The following SYT14 variants were observed in gnomAD, a reference collection of about 807,000 sequenced individuals.
The protein encoded by SYT14 is synaptotagmin-14.
A neutral mutation model predicts 74.2 loss-of-function variants in SYT14; 32 were observed. That is an observed-to-expected ratio of 0.43 (90% CI 0.33 to 0.58). The LOEUF (loss-of-function observed/expected upper bound fraction) is 0.58. Ranked by LOEUF, SYT14 falls within the 20% of genes least tolerant of loss-of-function variation. The pLI, the probability that SYT14 is intolerant of heterozygous loss-of-function variation, is 0.05. For synonymous variants in SYT14, 298 were observed against 337.7 expected, an observed-to-expected ratio of 0.88 and a Z score of 1.29; for missense variants, 791 against 981.8, an observed-to-expected ratio of 0.81 and a Z score of 2.60.
At chr1:210,043,289 A>G (rs769289418) in intron 5 of SYT14, among the ~76,000 whole-genome samples, 3 of 152,192 alleles carry the variant, frequency 2.0e-5, no homozygotes, top group Non-Finnish European at 4.4e-5. Flanking sequence ...AGGCTTCAGT[A>G]GGTAACCATG....
intron 2 of SYT14, among the ~76,000 whole-genome samples, chr1:209,957,773 G>A (rs2079016331): frequency 6.6e-6 from 1 of 151,950 alleles, no homozygotes; most frequent in African/African-American, 2.4e-5. Context: ...TTTCCTTCTT[G>A]TTGTATCCAG....
Position 209,942,370 on chromosome 1 carries a change from C to G in SYT14, c.-534+4093C>G, listed in dbSNP as rs964745004. ...CCTCCATGCAAATTTACCCCCCCCC[C>G]CCCGCTCTGTTGTGCAGATTTACCA... On this transcript the variant is annotated intron_variant, in intron 1 of 9. Transcript: ENST00000637265. Among the ~76,000 whole-genome samples, 81 of 131,220 alleles carry G rather than the reference C, an allele frequency of 6.2e-4. 5 individuals carry two copies. The highest frequency in any genetic ancestry group is 5.9e-4 in the South Asian group (2 of 3,388). The allele number at this position is 131,220 out of a possible 152,430, so 86.1% of individuals were successfully genotyped here.
intron 5 of SYT14, among the ~76,000 whole-genome samples, chr1:210,046,100 G>A (rs906172547): frequency 1.3e-5 from 2 of 152,170 alleles, no homozygotes; most frequent in African/African-American, 4.8e-5. Flanking sequence ...GCTGGGTATG[G>A]TGGCTCACGC....
intron 5 of SYT14, among the ~76,000 whole-genome samples, chr1:210,061,923 A>G (rs575692954): frequency 6.6e-6 from 1 of 151,938 alleles, no homozygotes; most frequent in South Asian, 2.1e-4. Flanking sequence ...TTCTAAGACT[A>G]CTGTAGTTGC....
chr1:210,100,042 C>G, exon 7 of SYT14: 1 of 1,614,022 alleles, frequency 6.2e-7, no homozygotes, highest in Non-Finnish European at 8.5e-7. Context: ...ATCTTCGCAG[C>G]TTCCTAAACC....
chr1:210,023,090 C>G lies in SYT14; in HGVS notation c.1312+1836C>G, dbSNP rs1253056883. On this transcript the variant is annotated intron_variant, in intron 5 of 9. Transcript: ENST00000637265. The stretch of plus-strand genomic sequence containing the variant: ...CTGTACTTTTTTACACATTTCTACC[C>G]TCAATTATTTGATGAAACACTTAAT... Among the ~76,000 whole-genome samples the G allele has an allele frequency of 3.9e-5, 6 of 152,198 alleles. No individual in the cohort carries two copies. The East Asian group carries it at 1.2e-3, about 29-fold the overall frequency.
chr1:210,078,309 CAAAAAAAAAAAAA>C (rs59924487), intron 5 of SYT14, among the ~76,000 whole-genome samples: 24 of 72,072 alleles, frequency 3.3e-4, no homozygotes, highest in Non-Finnish European at 4.4e-4. Context: ...GACTCCGTCT[CAAAAAAAAAAAAA>C]AAAAAAAAAA....
chr1:210,156,031 G>C (rs1354905287), intron 8 of SYT14, 121 bp downstream of exon 7: 1 of 916,014 alleles, frequency 1.1e-6, no homozygotes, highest in African/African-American at 1.7e-5. Context: ...GTAATCATCA[G>C]CTAATCTGTT....
intron 5 of SYT14, among the ~76,000 whole-genome samples, chr1:210,055,259 C>T (rs1425778510): frequency 6.6e-6 from 1 of 151,764 alleles, no homozygotes; most frequent in Non-Finnish European, 1.5e-5. Context: ...AAATACTTGC[C>T]CTAAAGAGTT....
rs561069342 is a variant in SYT14, at chr1:210,052,665, CAAAAAAA to C, written c.1312+31424_1312+31430del. Among the ~76,000 whole-genome samples the C allele has an allele frequency of 7.1e-5, 3 of 42,252 alleles. 1 individual carries two copies. The highest frequency in any genetic ancestry group is 3.2e-4 in the African/African-American group (3 of 9,248). 27.7% of individuals were successfully genotyped at this position (42,252 alleles called of 152,430 possible). A position where few individuals can be genotyped will look rare whatever the true frequency, so the allele number is the denominator to read the frequency against. On this transcript the variant is annotated intron_variant, in intron 5 of 9. Coordinates refer to ENST00000637265, the Ensembl canonical transcript of SYT14. ...CAGCAAGAGCGAAACTACATCTCAC[CAAAAAAA>C]AAAAAAAAAAAAGCTCTCCAAGCAC...
intron 2 of SYT14, among the ~76,000 whole-genome samples, chr1:209,957,613 G>A (rs2079014067): frequency 6.6e-6 from 1 of 151,962 alleles, no homozygotes; most frequent in Non-Finnish European, 1.5e-5. Context: ...TTTTAGTAGA[G>A]ACTGGGTTTC....
At chr1:210,000,681 C>T (rs1224475623) in intron 2 of SYT14, among the ~76,000 whole-genome samples, 2 of 135,800 alleles carry the variant, frequency 1.5e-5, no homozygotes, top group Admixed American at 8.2e-5. Flanking sequence ...GTGGTGCGAT[C>T]TCGGCTCACT....
At chr1:210,092,369 G>A (rs146149456) in intron 5 of SYT14, among the ~76,000 whole-genome samples, 6 of 152,174 alleles carry the variant, frequency 3.9e-5, no homozygotes, top group Admixed American at 2.6e-4. Flanking sequence ...GGACAAAGGG[G>A]CATGCCAGTA....
intron 5 of SYT14, among the ~76,000 whole-genome samples, chr1:210,087,804 C>A (rs1029082304): frequency 8.5e-5 from 13 of 152,172 alleles, no homozygotes; most frequent in African/African-American, 3.1e-4. Context: ...TGGACATCTT[C>A]CCCCTTGGGC....
At chr1:210,082,459 T>A (rs977730608) in intron 5 of SYT14, among the ~76,000 whole-genome samples, 3 of 152,124 alleles carry the variant, frequency 2.0e-5, no homozygotes, top group Admixed American at 6.5e-5. Flanking sequence ...TCGCTTCTGT[T>A]GGTGTTGGTA....
intron 7 of SYT14, among the ~76,000 whole-genome samples, chr1:210,131,619 G>A (rs2082676151): frequency 6.6e-6 from 1 of 151,844 alleles, no homozygotes; most frequent in Non-Finnish European, 1.5e-5. Context: ...TGAAAGCCAT[G>A]CATTCACATT....
chr1:210,130,185 C>A (rs551937197), intron 7 of SYT14, among the ~76,000 whole-genome samples: 1 of 152,178 alleles, frequency 6.6e-6, no homozygotes, highest in African/African-American at 2.4e-5. Context: ...CTTATACACA[C>A]TATTAAATGT....
At position 210,059,447 on chromosome 1, in the gene SYT14, TATATAGAG is replaced by T. The variant is rs1303267206; in HGVS notation, c.1313-34873_1313-34866del. 3.3e-3 allele frequency among the ~76,000 whole-genome samples: 310 copies of T among 94,710 alleles called. 1 individual carries two copies. The highest frequency in any genetic ancestry group is 0.012 in the African/African-American group (214 of 18,410). The allele number at this position is 94,710 out of a possible 152,430, so 62.1% of individuals were successfully genotyped here. ...GAAAGAATATATATATATATATATA[TATATAGAG>T]AGAGAGAGAGAGAGAGAGAGAGAGA... On this transcript the variant is annotated intron_variant, in intron 5 of 9. Transcript: ENST00000637265.
At chr1:210,043,083 G>T (rs1443963571) in intron 5 of SYT14, among the ~76,000 whole-genome samples, 1 of 152,116 alleles carries the variant, frequency 6.6e-6, no homozygotes, top group Non-Finnish European at 1.5e-5. Flanking sequence ...CTTGTAAGTT[G>T]TATTCCTAGG....
Sources: allele counts gnomAD v4.1 joint callset (sites outside exome capture counted in the v4.1 genomes callset), GRCh38; gene constraint gnomAD v4.1.1; transcripts MANE v1.5; gene names NCBI Gene and HGNC (gene_info 2026-07-23, HGNC 2026-07-21).